CATSPERB: variants seen among roughly 807,000 people sequenced by gnomAD.
The protein encoded by CATSPERB is catsper channel auxiliary subunit beta.
A neutral mutation model predicts 128.3 loss-of-function variants in CATSPERB; 93 were observed. That is an observed-to-expected ratio of 0.72 (90% CI 0.61 to 0.86). The LOEUF is 0.86. Among genes scored for constraint, CATSPERB ranks in the 40% least tolerant of loss-of-function variants. CATSPERB has a pLI of 0.00. For synonymous variants in CATSPERB, 381 were observed against 448.8 expected (o/e 0.85, Z 1.91); for missense variants, 1,153 against 1,329.5 (o/e 0.87, Z 2.06).
At chr14:91,622,583 G>C (rs537005889) in intron 18 of CATSPERB, among the ~76,000 whole-genome samples, 1 of 152,210 alleles carries the variant, frequency 6.6e-6, no homozygotes, top group Admixed American at 6.5e-5. Context: ...TTTTTGATAG[G>C]TCATGAAACA....
intron 11 of CATSPERB, among the ~76,000 whole-genome samples, chr14:91,675,777 C>A (rs1895182503): frequency 6.6e-6 from 1 of 152,124 alleles, no homozygotes; most frequent in Non-Finnish European, 1.5e-5. Context: ...ATCTAGGGAT[C>A]CAACCCTGAA....
intron 23 of CATSPERB, among the ~76,000 whole-genome samples, 196 bp downstream of exon 23, chr14:91,591,696 T>C (rs1190665082): frequency 6.6e-6 from 1 of 152,124 alleles, no homozygotes; most frequent in Non-Finnish European, 1.5e-5. Context: ...ATTATTGTTT[T>C]ATTTTACCGA....
intron 10 of CATSPERB, among the ~76,000 whole-genome samples, chr14:91,690,286 C>T (rs1170768895): frequency 6.6e-6 from 1 of 152,166 alleles, no homozygotes; most frequent in African/African-American, 2.4e-5. Flanking sequence ...GGCTATCGCG[C>T]CTGGCCATAA....
intron 26 of CATSPERB, among the ~76,000 whole-genome samples, chr14:91,582,578 G>C (rs1196563036): frequency 1.3e-5 from 2 of 152,118 alleles, no homozygotes; most frequent in Non-Finnish European, 2.9e-5. Flanking sequence ...CCCTTCAACT[G>C]TTTTACATAT....
intron 5 of CATSPERB, among the ~76,000 whole-genome samples, chr14:91,710,779 T>C (rs1352566058): frequency 6.6e-6 from 1 of 152,212 alleles, no homozygotes; most frequent in Non-Finnish European, 1.5e-5. Context: ...GCTGGATATT[T>C]TCATGGAGCC....
chr14:91,654,911 G>A lies in CATSPERB; in HGVS notation c.1432+4926C>T, dbSNP rs147930734. Among the ~76,000 whole-genome samples, 1,363 of 152,248 alleles carry A rather than the reference G, an allele frequency of 9.0e-3. 16 individuals are homozygous for A. Among genetic ancestry groups the A allele is most frequent in the Middle Eastern group, 0.044 (13 of 294 alleles). On this transcript the variant is annotated intron_variant, in intron 15 of 26. Coordinates refer to ENST00000256343, the MANE Select transcript of CATSPERB (RefSeq NM_024764.4). ...CTCCAGGCAGCTTAGCACAGAGAAAGAGACACTATTTGTTTGGTGGAAAGT... is the reference window on the plus strand; with the variant it reads ...CTCCAGGCAGCTTAGCACAGAGAAAAAGACACTATTTGTTTGGTGGAAAGT...
At chr14:91,711,278 T>G (rs149786033) in intron 5 of CATSPERB, among the ~76,000 whole-genome samples, 17 of 152,388 alleles carry the variant, frequency 1.1e-4, no homozygotes, top group Admixed American at 1.0e-3. Flanking sequence ...TCTCCCAGGC[T>G]GGAGTGCAGT....
At chr14:91,703,156 T>C (rs1895678639) in intron 7 of CATSPERB, among the ~76,000 whole-genome samples, 1 of 152,190 alleles carries the variant, frequency 6.6e-6, no homozygotes, top group African/African-American at 2.4e-5. Context: ...AAATATATTT[T>C]CCTTTATATT....
At chr14:91,593,677 C>T (rs1893450263) in intron 22 of CATSPERB, among the ~76,000 whole-genome samples, 1 of 152,156 alleles carries the variant, frequency 6.6e-6, no homozygotes, top group African/African-American at 2.4e-5. Flanking sequence ...CCTTGTCTCA[C>T]ATGAGACTTT....
At chr14:91,610,416 G>A (rs1007864174) in intron 21 of CATSPERB, 64 bp downstream of exon 21, 27 of 1,298,736 alleles carry the variant, frequency 2.1e-5, no homozygotes, top group Non-Finnish European at 2.9e-5. Flanking sequence ...GAATGGGTAG[G>A]CAATCACACA....
chr14:91,684,688 C>G (rs940535057), intron 10 of CATSPERB, among the ~76,000 whole-genome samples: 10 of 149,472 alleles, frequency 6.7e-5, no homozygotes, highest in African/African-American at 2.5e-4. Flanking sequence ...AATTTCGGCT[C>G]ACTACAAACT....
intron 14 of CATSPERB, among the ~76,000 whole-genome samples, chr14:91,664,196 G>A (rs1384182774): frequency 1.3e-5 from 2 of 148,682 alleles, no homozygotes; most frequent in East Asian, 4.0e-4. Flanking sequence ...GAATCATAAA[G>A]TTTGTAGCCT....
chr14:91,611,638 C>A (rs1404854173), intron 20 of CATSPERB, among the ~76,000 whole-genome samples: 1 of 151,766 alleles, frequency 6.6e-6, no homozygotes, highest in Non-Finnish European at 1.5e-5. Flanking sequence ...AAAACCAAAA[C>A]CAAAAACAAA....
intron 11 of CATSPERB, among the ~76,000 whole-genome samples, chr14:91,679,732 A>G (rs1895248324): frequency 6.6e-6 from 1 of 152,200 alleles, no homozygotes; most frequent in Admixed American, 6.5e-5. Flanking sequence ...TTGAAATCAA[A>G]TCCTAAATTA....
intron 4 of CATSPERB, among the ~76,000 whole-genome samples, 186 bp downstream of exon 4, chr14:91,722,863 T>A (rs1048553147): frequency 2.0e-5 from 3 of 152,130 alleles, no homozygotes; most frequent in African/African-American, 7.2e-5. Flanking sequence ...AATAAGTATT[T>A]CTTCTTCTTT....
At chr14:91,673,310 T>C (rs1387646746) in intron 12 of CATSPERB, among the ~76,000 whole-genome samples, 1 of 152,160 alleles carries the variant, frequency 6.6e-6, no homozygotes, top group African/African-American at 2.4e-5. Context: ...TCCATCATGA[T>C]TGCTTCTTCA....
chr14:91,612,014 T>TTCTTTCTC (rs1291777552), intron 20 of CATSPERB, among the ~76,000 whole-genome samples: 88 of 62,260 alleles, frequency 1.4e-3, no homozygotes, highest in Non-Finnish European at 3.0e-3. Flanking sequence ...GTTTACTGTT[T>TTCTTTCTC]TCTTTCTTTC....
At position 91,683,940 on chromosome 14, in the gene CATSPERB, C is replaced by T; in HGVS notation, c.868G>A (p.Asp290Asn). The T allele has an allele frequency of 1.3e-6, 2 of 1,586,228 alleles. No individual in the cohort carries two copies. Among genetic ancestry groups the T allele is most frequent in the South Asian group, 2.3e-5 (2 of 88,284 alleles). The part of the protein sequence containing the change: ...RADFCGFERV[D>N]YVKGKLWYNE... ...TACCACAGTTTTCCTTTCACATAGTCAACCTACATAAATAAATAAAATATC... is the reference window on the plus strand; with the variant it reads ...TACCACAGTTTTCCTTTCACATAGTTAACCTACATAAATAAATAAAATATC... The change falls in exon 11 of 27, where the codon GAC (aspartate) becomes AAC (asparagine). Residue 290 changes from aspartate to asparagine, a missense_variant. Coordinates refer to ENST00000256343, the MANE Select transcript of CATSPERB (RefSeq NM_024764.4).
At chr14:91,618,931 T>C (rs1893993075) in intron 19 of CATSPERB, among the ~76,000 whole-genome samples, 2 of 152,212 alleles carry the variant, frequency 1.3e-5, no homozygotes, top group Non-Finnish European at 2.9e-5. Flanking sequence ...GCCCTGGTGA[T>C]GCTAACACAG....
Sources: allele counts gnomAD v4.1 joint callset (sites outside exome capture counted in the v4.1 genomes callset), GRCh38; gene constraint gnomAD v4.1.1; transcripts MANE v1.5; gene names NCBI Gene and HGNC (gene_info 2026-07-23, HGNC 2026-07-21).